TENM2: variants seen among roughly 807,000 people sequenced by gnomAD.
The protein encoded by TENM2 is teneurin-2.
Under a neutral mutation model 245.2 loss-of-function variants are expected in TENM2, and 52 were observed. That is an observed-to-expected ratio of 0.21 (90% confidence interval 0.17 to 0.27). The LOEUF (loss-of-function observed/expected upper bound fraction) is 0.27. TENM2 is among the 10% of genes least tolerant of loss of function. The pLI, the probability that TENM2 is intolerant of heterozygous loss-of-function variation, is 1.00. For synonymous variants in TENM2, 1,363 were observed against 1,438.9 expected (o/e 0.95, Z 1.19); for missense variants, 3,046 against 3,666.8 (o/e 0.83, Z 4.37).
chr5:167,889,895 G>A (rs2070811317), intron 3 of TENM2, among the ~76,000 whole-genome samples: 1 of 152,104 alleles, frequency 6.6e-6, no homozygotes. Context: ...TCACAGGGAG[G>A]GGAAAAAGTC....
chr5:168,240,361 CA>C (rs1765971841), intron 25 of TENM2, among the ~76,000 whole-genome samples: 1 of 152,198 alleles, frequency 6.6e-6, no homozygotes, highest in Non-Finnish European at 1.5e-5. Context: ...GCCTGTAGTC[CA>C]ACACCCCTCA....
At chr5:167,150,162 C>G in the TENM2 span, among the ~76,000 whole-genome samples, 9 of 152,156 alleles carry the variant, frequency 5.9e-5, no homozygotes, top group South Asian at 1.2e-3. Flanking sequence ...TAAAAGACAC[C>G]ATCCACTTTC....
chr5:167,531,560 C>T (rs1030957287), intron 2 of TENM2, among the ~76,000 whole-genome samples: 1 of 151,934 alleles, frequency 6.6e-6, no homozygotes, highest in African/African-American at 2.4e-5. Context: ...CTACAGTTAC[C>T]GTGCTGTACA....
chr5:167,042,760 C>T, the TENM2 span, among the ~76,000 whole-genome samples: 19 of 152,286 alleles, frequency 1.2e-4, no homozygotes, highest in East Asian at 2.9e-3. Context: ...TGCCTTTCTA[C>T]TTATATCTCT....
At chr5:167,430,045 G>A (rs1172280848) in intron 2 of TENM2, among the ~76,000 whole-genome samples, 3 of 152,126 alleles carry the variant, frequency 2.0e-5, no homozygotes, top group Admixed American at 6.5e-5. Flanking sequence ...GAGGTGGAGG[G>A]CAGAAAAGAT....
intron 17 of TENM2, among the ~76,000 whole-genome samples, chr5:168,201,323 T>C (rs1761922092): frequency 6.6e-6 from 1 of 151,970 alleles, no homozygotes; most frequent in African/African-American, 2.4e-5. Context: ...TATATACAGA[T>C]ATATATATGT....
In TENM2 at chr5:167,648,911, T is replaced by A. The variant is rs540232331; in HGVS notation, c.503-227075T>A. 8.5e-4 allele frequency among the ~76,000 whole-genome samples: 129 copies of A among 152,178 alleles called. 1 individual carries two copies. Among genetic ancestry groups the A allele is most frequent in the Non-Finnish European group, 1.1e-3 (78 of 68,030 alleles). ...TCTCAGGCAAATGAGAAGGGCTCGG[T>A]CTGTGGCCCCTCCCTAGTAGCGGCC... On this transcript the variant is annotated intron_variant, in intron 2 of 28. Transcript: ENST00000518659.
intron 4 of TENM2, among the ~76,000 whole-genome samples, chr5:167,982,231 T>A (rs1360254766): frequency 6.6e-6 from 1 of 152,204 alleles, no homozygotes; most frequent in Non-Finnish European, 1.5e-5. Context: ...AATCCCATGG[T>A]GCTTCTGACA....
rs115246289 is a variant in TENM2, at chr5:168,106,434, G to C, written c.1813+8307G>C. On this transcript the variant is annotated intron_variant, in intron 9 of 28. Coordinates refer to ENST00000518659, the Ensembl canonical transcript of TENM2. The stretch of plus-strand genomic sequence containing the variant: ...CCGTGCTGAACAACTACATAATTAT[G>C]TCATTGAATCATCAGTAGCCCTCAT... Among the ~76,000 whole-genome samples the C allele has an allele frequency of 2.2e-3, 330 of 152,226 alleles. 1 individual carries two copies. The highest frequency in any genetic ancestry group is 7.6e-3 in the African/African-American group (317 of 41,540).
intron 2 of TENM2, among the ~76,000 whole-genome samples, chr5:167,826,093 AAAAC>A (rs1767955110): frequency 2.6e-5 from 4 of 152,310 alleles, no homozygotes; most frequent in East Asian, 3.9e-4. Flanking sequence ...CATGTGCAAA[AAAAC>A]AAACAAACTA....
At chr5:166,986,558 A>G in the TENM2 span, among the ~76,000 whole-genome samples, 9 of 152,186 alleles carry the variant, frequency 5.9e-5, no homozygotes, top group Non-Finnish European at 1.3e-4. Flanking sequence ...AGTTCCAGGG[A>G]CCACAAAATC....
At chr5:167,305,701 G>T (rs1755634119) in intron 1 of TENM2, among the ~76,000 whole-genome samples, 1 of 152,136 alleles carries the variant, frequency 6.6e-6, no homozygotes, top group African/African-American at 2.4e-5. Context: ...CAGGGATTCG[G>T]CACATTTTAT....
intron 2 of TENM2, among the ~76,000 whole-genome samples, chr5:167,533,887 T>A (rs1771683912): frequency 6.6e-6 from 1 of 152,070 alleles, no homozygotes; most frequent in African/African-American, 2.4e-5. Context: ...GGTATTGGAG[T>A]CCAACATACT....
chr5:167,354,644 A>T (rs1408499167), intron 1 of TENM2, among the ~76,000 whole-genome samples: 1 of 152,186 alleles, frequency 6.6e-6, no homozygotes, highest in Non-Finnish European at 1.5e-5. Flanking sequence ...ATAGCCTTTG[A>T]AGTCAAAAAA....
chr5:168,209,719 C>T (rs1324667066), intron 19 of TENM2, among the ~76,000 whole-genome samples: 1 of 152,198 alleles, frequency 6.6e-6, no homozygotes, highest in Non-Finnish European at 1.5e-5. Flanking sequence ...AAAGTCTGCC[C>T]AGCACTAAGG....
intron 13 of TENM2, among the ~76,000 whole-genome samples, chr5:168,163,240 G>C (rs953358185): frequency 6.6e-6 from 1 of 152,214 alleles, no homozygotes; most frequent in Non-Finnish European, 1.5e-5. Context: ...ACCACCATTA[G>C]TAAAATTGAG....
At chr5:167,020,375 C>T in the TENM2 span, among the ~76,000 whole-genome samples, 3 of 152,326 alleles carry the variant, frequency 2.0e-5, no homozygotes, top group East Asian at 5.8e-4. Context: ...TCTAATTTTA[C>T]AGCTGATGAA....
chr5:167,540,082 C>T (rs540210185), intron 2 of TENM2, among the ~76,000 whole-genome samples: 43 of 152,016 alleles, frequency 2.8e-4, no homozygotes, highest in Non-Finnish European at 4.6e-4. Context: ...TATTTTTCTT[C>T]GAAAAATATT....
chr5:167,239,080 A>G, the TENM2 span, among the ~76,000 whole-genome samples: 14 of 152,244 alleles, frequency 9.2e-5, no homozygotes, highest in African/African-American at 3.4e-4. Flanking sequence ...CCCCAAAACA[A>G]CAATAAGATT....
Sources: allele counts gnomAD v4.1 joint callset (sites outside exome capture counted in the v4.1 genomes callset), GRCh38; gene constraint gnomAD v4.1.1; transcripts MANE v1.5; gene names NCBI Gene and HGNC (gene_info 2026-07-23, HGNC 2026-07-21).